Variants in SPAG9 observed in about 807,000 individuals in gnomAD.
The protein encoded by SPAG9 is C-Jun-amino-terminal kinase-interacting protein 4.
SPAG9 carries 35 observed loss-of-function variants against 166.5 expected under a neutral mutation model. The observed-to-expected ratio is 0.21, with a 90% CI of 0.16 to 0.28. The LOEUF (loss-of-function observed/expected upper bound fraction) is 0.28, where lower values mean the gene tolerates loss of function less well. Ranked by LOEUF, SPAG9 falls within the 10% of genes least tolerant of loss-of-function variation. The probability of loss-of-function intolerance (pLI) is 1.00; values close to 1 mark genes in which losing one functional copy is unlikely to be tolerated. For synonymous variants in SPAG9, 534 were observed against 565.5 expected (o/e 0.94, Z 0.79); for missense variants, 1,235 against 1,603.3 (o/e 0.77, Z 3.92).
intron 5 of SPAG9, 37 bp from the exon 6 acceptor site, chr17:51,031,759 A>G: frequency 6.7e-7 from 1 of 1,484,906 alleles, no homozygotes; most frequent in Admixed American, 2.0e-5. Context: ...GAAAAAAATT[A>G]TGTGTTTACT....
chr17:51,046,510 T>C (rs1444111894), intron 4 of SPAG9: 1 of 1,535,952 alleles, frequency 6.5e-7, no homozygotes, highest in South Asian at 1.2e-5. Flanking sequence ...CTGAGTATCC[T>C]TGGTAGGTTC....
chr17:51,023,227 TTTTATAA>T, intron 6 of SPAG9: 1 of 147,952 alleles, frequency 6.8e-6, no homozygotes, highest in East Asian at 1.9e-4. Context: ...AATTATATAT[TTTTATAA>T]TTTATAACTA....
At chr17:50,988,242 AC>A (rs1337190641) in intron 21 of SPAG9, among the ~76,000 whole-genome samples, 4 of 152,070 alleles carry the variant, frequency 2.6e-5, no homozygotes, top group African/African-American at 9.7e-5. Flanking sequence ...TTAAATATTA[AC>A]CCATTTATGC....
At chr17:50,980,506 A>G (rs1974518998) in intron 25 of SPAG9, among the ~76,000 whole-genome samples, 7 of 151,290 alleles carry the variant, frequency 4.6e-5, no homozygotes, top group Admixed American at 4.6e-4. Context: ...CACCTGGCCT[A>G]ACAGAAAGAT....
intron 4 of SPAG9, among the ~76,000 whole-genome samples, chr17:51,041,860 T>G (rs1046313411): frequency 1.3e-5 from 2 of 152,124 alleles, no homozygotes; most frequent in East Asian, 3.9e-4. Context: ...AGAAATCAAC[T>G]AAGAAAAGTG....
intron 9 of SPAG9, 84 bp downstream of exon 9, chr17:51,014,138 GCAGTTGGGGA>G (rs1954882772): frequency 9.4e-7 from 1 of 1,061,542 alleles, no homozygotes; most frequent in African/African-American, 1.6e-5. Context: ...GTATCACTGA[GCAGTTGGGGA>G]CATTTTAAAG....
chr17:51,097,199 C>A (rs2048671429), intron 1 of SPAG9, among the ~76,000 whole-genome samples: 2 of 152,240 alleles, frequency 1.3e-5, no homozygotes, highest in Admixed American at 1.3e-4. Flanking sequence ...GGCATGGAAG[C>A]TCTGCACCAC....
At chr17:51,079,333 G>A (rs1326700562) in intron 2 of SPAG9, among the ~76,000 whole-genome samples, 1 of 151,954 alleles carries the variant, frequency 6.6e-6, no homozygotes, top group East Asian at 1.9e-4. Context: ...CTGCCTCCCG[G>A]ATTCAAATGG....
At chr17:51,083,752 C>A (rs1204322912) in intron 1 of SPAG9, among the ~76,000 whole-genome samples, 1 of 151,814 alleles carries the variant, frequency 6.6e-6, no homozygotes, top group Non-Finnish European at 1.5e-5. Flanking sequence ...AAACTACAAA[C>A]CCTATAACAT....
intron 1 of SPAG9, among the ~76,000 whole-genome samples, chr17:51,103,612 A>G (rs2048864256): frequency 6.6e-6 from 1 of 152,214 alleles, no homozygotes; most frequent in Non-Finnish European, 1.5e-5. Flanking sequence ...TAGGAACTTA[A>G]GTCATTTTCA....
At position 50,975,257 on chromosome 17, in the gene SPAG9, TTTC is replaced by T. The variant is rs772082458; in HGVS notation, c.3524-313_3524-311del. On this transcript the variant is annotated intron_variant, in intron 27 of 29. Coordinates refer to ENST00000262013, the MANE Select transcript of SPAG9 (RefSeq NM_001130528.3). ...AAAAAACAAATTTGAATCTTAGTTG[TTTC>T]TTGTTTTGTTTTTAATGCACATGTT... 108 of 270,494 alleles carry T rather than the reference TTTC, an allele frequency of 4.0e-4. 1 individual carries two copies. The highest frequency in any genetic ancestry group is 6.3e-4 in the Non-Finnish European group (91 of 145,114). 16.8% of individuals were successfully genotyped at this position (270,494 alleles called of 1,614,324 possible). A position where few individuals can be genotyped will look rare whatever the true frequency, so the allele number is the denominator to read the frequency against.
chr17:50,987,243 A>C lies in SPAG9; in HGVS notation c.2814-6T>G. On this transcript the variant is annotated splice_region_variant and splice_polypyrimidine_tract_variant and intron_variant, in intron 21 of 29. Coordinates refer to ENST00000262013, the MANE Select transcript of SPAG9 (RefSeq NM_001130528.3). ...TATATGCATCTGAGTCATTGCTGGA[A>C]AGGGAGGGCAAAAGGAAAGAAATCT... The C allele has an allele frequency of 1.2e-6, 2 of 1,601,202 alleles. No homozygotes were observed. The highest frequency in any genetic ancestry group is 1.7e-6 in the Non-Finnish European group (2 of 1,175,642).
At position 50,966,336 on chromosome 17, in the gene SPAG9, G is replaced by C. The variant is rs753566343; in HGVS notation, c.3902C>G (p.Pro1301Arg). The C allele has an allele frequency of 6.2e-7, 1 of 1,613,962 alleles. No homozygotes were observed. Among genetic ancestry groups the C allele is most frequent in the Admixed American group, 1.7e-5 (1 of 60,004 alleles). ...ACTCCTTTCTGCTTTGGTGACAGAA[G>C]GTTCAAGTGGAAGATCCTCTCCAAG... ...ELLGEDLPLE[P>R]SVTKAERSHL... Residue 1301 changes from proline to arginine, a missense_variant, in exon 30 of 30, where the codon CCT (proline) becomes CGT (arginine). By Grantham distance (103) the Pro-to-Arg change is moderately radical. Coordinates refer to ENST00000262013, the MANE Select transcript of SPAG9 (RefSeq NM_001130528.3).
At chr17:51,045,884 G>A (rs2047000936) in intron 4 of SPAG9, among the ~76,000 whole-genome samples, 1 of 152,166 alleles carries the variant, frequency 6.6e-6, no homozygotes, top group Non-Finnish European at 1.5e-5. Flanking sequence ...CAAAACAATA[G>A]TGAATAGGCT....
At position 50,975,570 on chromosome 17, in the gene SPAG9, C is replaced by T. The variant is rs150134224; in HGVS notation, c.3524-623G>A. 6.3e-3 allele frequency among the ~76,000 whole-genome samples: 952 copies of T among 152,052 alleles called. 12 individuals carry two copies. The highest frequency in any genetic ancestry group is 0.021 in the African/African-American group (872 of 41,462). On this transcript the variant is annotated intron_variant, in intron 27 of 29. Coordinates refer to ENST00000262013, the MANE Select transcript of SPAG9 (RefSeq NM_001130528.3). ...AAATATGATCGGTAACAAGAGTAAA[C>T]GATGTAAATTAATGACAGCTTTAAG...
chr17:51,062,615 G>A (rs765855637), intron 2 of SPAG9, among the ~76,000 whole-genome samples: 2 of 152,054 alleles, frequency 1.3e-5, no homozygotes, highest in Admixed American at 6.6e-5. Context: ...TTTTGAGACA[G>A]AGTCTTGCTC....
At chr17:51,089,658 A>ATATATG in intron 1 of SPAG9, among the ~76,000 whole-genome samples, 1 of 104,864 alleles carries the variant, frequency 9.5e-6, no homozygotes, top group South Asian at 2.9e-4. Context: ...ATATATATAT[A>ATATATG]TATATACACA....
intron 20 of SPAG9, 176 bp downstream of exon 20, chr17:50,990,274 C>A: frequency 1.7e-6 from 1 of 595,644 alleles, no homozygotes; most frequent in Non-Finnish European, 3.0e-6. Flanking sequence ...GTGATCCACC[C>A]GCCTTGGCCT....
intron 6 of SPAG9, among the ~76,000 whole-genome samples, chr17:51,021,820 C>T (rs1002458476): frequency 7.1e-6 from 1 of 140,572 alleles, no homozygotes; most frequent in Non-Finnish European, 1.6e-5. Flanking sequence ...GCATCTAAAT[C>T]ATTTGAAGTG....
Sources: allele counts gnomAD v4.1 joint callset (sites outside exome capture counted in the v4.1 genomes callset), GRCh38; gene constraint gnomAD v4.1.1; transcripts MANE v1.5; gene names NCBI Gene and HGNC (gene_info 2026-07-23, HGNC 2026-07-21).